Variants in PLD1 observed in about 807,000 individuals in gnomAD.
PLD1 encodes the protein choline phosphatase 1.
Under a neutral mutation model 137.1 loss-of-function variants are expected in PLD1, and 112 were observed. The observed-to-expected ratio is 0.82, with a 90% CI of 0.70 to 0.96. PLD1 has a LOEUF of 0.96. Ranked by LOEUF, PLD1 falls within the 40% of genes least tolerant of loss-of-function variation. The pLI is 0.00. For missense variants in PLD1, 1,321 were observed against 1,342.0 expected, an observed-to-expected ratio of 0.98 and a Z score of 0.24; for synonymous variants, 431 against 454.7, an observed-to-expected ratio of 0.95 and a Z score of 0.66.
intron 24 of PLD1, among the ~76,000 whole-genome samples, chr3:171,620,062 A>T (rs1165426535): frequency 6.6e-6 from 1 of 152,220 alleles, no homozygotes; most frequent in Non-Finnish European, 1.5e-5. Flanking sequence ...CACAGATAAA[A>T]ATAGTTTAGT....
chr3:171,768,957 C>T (rs1418943972), intron 1 of PLD1, among the ~76,000 whole-genome samples: 1 of 152,278 alleles, frequency 6.6e-6, no homozygotes, highest in Non-Finnish European at 1.5e-5. Flanking sequence ...TAAGCCAGTC[C>T]AGCAGAATGA....
At chr3:171,745,677 AG>A (rs1720099598) in intron 1 of PLD1, among the ~76,000 whole-genome samples, 1 of 152,200 alleles carries the variant, frequency 6.6e-6, no homozygotes, top group Non-Finnish European at 1.5e-5. Flanking sequence ...CAGGGGGGTA[AG>A]AGGAGTACAG....
chr3:171,745,485 CT>C (rs1240663003), intron 1 of PLD1, among the ~76,000 whole-genome samples: 1 of 152,246 alleles, frequency 6.6e-6, no homozygotes, highest in African/African-American at 2.4e-5. Flanking sequence ...CACCAACAAT[CT>C]CAGCCTCCTT....
At chr3:171,772,838 C>G (rs952044202) in intron 1 of PLD1, among the ~76,000 whole-genome samples, 1 of 152,092 alleles carries the variant, frequency 6.6e-6, no homozygotes, top group Non-Finnish European at 1.5e-5. Context: ...TAAAAATGCT[C>G]ATGCAAAAAA....
At position 171,612,421 on chromosome 3, in the gene PLD1, T is replaced by C; in HGVS notation, c.2740A>G (p.Ile914Val). ...DNTVIIGSANINDRSMLGKRD... is the reference protein window; with the variant it reads ...DNTVIIGSANVNDRSMLGKRD... ...TTTCCCAGCATGCTGCGGTCATTTATGTTGGCAGAGCCTGTAAGGAGAAAC... is the reference window on the plus strand; with the variant it reads ...TTTCCCAGCATGCTGCGGTCATTTACGTTGGCAGAGCCTGTAAGGAGAAAC... The change falls in exon 25 of 27, where the codon ATA becomes GTA. Residue 914 changes from isoleucine (I) to valine (V), a missense_variant. Coordinates refer to ENST00000351298, the MANE Select transcript of PLD1 (RefSeq NM_002662.5). The surrounding 1 kb of genome is among the most constrained non-coding windows in gnomAD (Gnocchi z 4.1). 1.2e-6 allele frequency: 2 copies of C among 1,614,092 alleles called. No homozygotes were observed. Among genetic ancestry groups the C allele is most frequent in the Non-Finnish European group, 1.7e-6 (2 of 1,179,944 alleles).
At chr3:171,742,008 T>G (rs946088450) in intron 1 of PLD1, among the ~76,000 whole-genome samples, 1 of 130,050 alleles carries the variant, frequency 7.7e-6, no homozygotes, top group African/African-American at 2.5e-5. Flanking sequence ...CATTTAATCT[T>G]CACAATAACT....
intron 24 of PLD1, among the ~76,000 whole-genome samples, chr3:171,613,983 T>C (rs1020139914): frequency 6.6e-6 from 1 of 152,210 alleles, no homozygotes; most frequent in African/African-American, 2.4e-5. Context: ...ACAGGCACCC[T>C]GGCGGCCCTC....
At chr3:171,740,475 C>G (rs1049626264) in intron 1 of PLD1, among the ~76,000 whole-genome samples, 1 of 152,164 alleles carries the variant, frequency 6.6e-6, no homozygotes, top group Admixed American at 6.5e-5. Flanking sequence ...TTTTTAAAGA[C>G]TTCAGATATT....
At chr3:171,742,004 A>AATAAAGT (rs202128932) in intron 1 of PLD1, among the ~76,000 whole-genome samples, 11,725 of 152,284 alleles carry the variant, frequency 0.077, 623 homozygotes, top group Middle Eastern at 0.17. Context: ...ATCTCATTTA[A>AATAAAGT]TCTTCACAAT....
At chr3:171,780,296 G>A (rs77176765) in intron 1 of PLD1, among the ~76,000 whole-genome samples, 10,052 of 151,612 alleles carry the variant, frequency 0.066, 1,101 homozygotes, top group African/African-American at 0.23. Flanking sequence ...GGATCCATAA[G>A]TCTAACATTC....
At chr3:171,767,957 G>C (rs1722088251) in intron 1 of PLD1, among the ~76,000 whole-genome samples, 1 of 151,668 alleles carries the variant, frequency 6.6e-6, no homozygotes, top group Non-Finnish European at 1.5e-5. Context: ...AAAAAGAGAG[G>C]GGGGCTGGGG....
At chr3:171,762,069 A>G (rs1482562661) in intron 1 of PLD1, among the ~76,000 whole-genome samples, 2 of 152,364 alleles carry the variant, frequency 1.3e-5, no homozygotes, top group East Asian at 1.9e-4. Context: ...AAATGTTACA[A>G]TCATTTTATT....
intron 25 of PLD1, among the ~76,000 whole-genome samples, chr3:171,611,971 A>G (rs555565242): frequency 5.0e-4 from 76 of 152,232 alleles, no homozygotes; most frequent in Non-Finnish European, 9.9e-4. Flanking sequence ...AGTCCCAGCT[A>G]CTCGGAATGC....
chr3:171,764,696 G>A (rs1721683995), intron 1 of PLD1, among the ~76,000 whole-genome samples: 1 of 151,636 alleles, frequency 6.6e-6, no homozygotes, highest in African/African-American at 2.4e-5. Flanking sequence ...GATGGGGCCT[G>A]CAGAGTAACC....
chr3:171,638,050 C>T (rs1310799477), intron 23 of PLD1, among the ~76,000 whole-genome samples: 3 of 151,864 alleles, frequency 2.0e-5, no homozygotes, highest in Admixed American at 6.6e-5. Context: ...CCAGGTGCGG[C>T]GATGGGCGCC....
Position 171,677,697 on chromosome 3 carries a change from G to T in PLD1, c.1868-3C>A, listed in dbSNP as rs925158376. On this transcript the variant is annotated splice_region_variant and splice_polypyrimidine_tract_variant and intron_variant, in intron 16 of 26. Transcript: ENST00000351298. Reference sequence around the variant, plus strand: ...TAAACTACGGATGGACCCGGTATCTGTGAATGCAGCAAGACCCCCTCAGAG... The same window carrying T: ...TAAACTACGGATGGACCCGGTATCTTTGAATGCAGCAAGACCCCCTCAGAG... The T allele has an allele frequency of 6.2e-7, 1 of 1,613,560 alleles. No homozygotes were observed.
chr3:171,687,638 G>T, intron 14 of PLD1, 54 bp from the exon 15 acceptor site: 1 of 1,103,976 alleles, frequency 9.1e-7, no homozygotes, highest in Non-Finnish European at 1.3e-6. Context: ...GCTGCAGTGT[G>T]GTTCTTTAAT....
Position 171,600,861 on chromosome 3 carries a change from A to G in PLD1, c.*2217T>C, listed in dbSNP as rs1443960896. ...ATTAGCTCTCTCCTTCACCTTGTTT[A>G]TTAATTCTACAAGCATTTATTGCCA... On this transcript the variant is annotated 3_prime_UTR_variant, in exon 27 of 27. Coordinates refer to ENST00000351298, the MANE Select transcript of PLD1 (RefSeq NM_002662.5). The G allele has an allele frequency of 1.3e-5, 2 of 152,184 alleles. No homozygotes were observed. Among genetic ancestry groups the G allele is most frequent in the South Asian group, 2.1e-4 (1 of 4,828 alleles). The allele number at this position is 152,184 out of a possible 1,614,324, so 9.4% of individuals were successfully genotyped here. A position where few individuals can be genotyped will look rare whatever the true frequency, so the allele number is the denominator to read the frequency against.
intron 1 of PLD1, among the ~76,000 whole-genome samples, chr3:171,738,399 G>A (rs1719541283): frequency 6.6e-6 from 1 of 151,904 alleles, no homozygotes; most frequent in South Asian, 2.1e-4. Context: ...AGGGAGATTG[G>A]TTTGGGAAAG....
Sources: allele counts gnomAD v4.1 joint callset (sites outside exome capture counted in the v4.1 genomes callset), GRCh38; gene constraint gnomAD v4.1.1; non-coding constraint Gnocchi (gnomAD v3.1); transcripts MANE v1.5; gene names NCBI Gene and HGNC (gene_info 2026-07-23, HGNC 2026-07-21).